The following GPC5 variants were observed in gnomAD, a reference collection of about 807,000 sequenced individuals.
The protein encoded by GPC5 is glypican-5.
GPC5 carries 47 observed loss-of-function variants against 53.9 expected under a neutral mutation model. The ratio of observed to expected loss-of-function variants is 0.87; its 90% confidence interval spans 0.69 to 1.11. GPC5 has a LOEUF of 1.11. Among genes scored for constraint, GPC5 ranks in the 50% most tolerant of loss-of-function variants. The pLI, the probability that GPC5 is intolerant of heterozygous loss-of-function variation, is 0.00. For synonymous variants in GPC5, 286 were observed against 263.3 expected, an observed-to-expected ratio of 1.09 and a Z score of -0.84; for missense variants, 748 against 713.1, an observed-to-expected ratio of 1.05 and a Z score of -0.56.
At chr13:91,607,629 G>A (rs947043590) in intron 2 of GPC5, among the ~76,000 whole-genome samples, 14 of 152,178 alleles carry the variant, frequency 9.2e-5, no homozygotes, top group Non-Finnish European at 1.5e-4. Flanking sequence ...GTAGAAAGCA[G>A]CATAATTACA....
intron 2 of GPC5, among the ~76,000 whole-genome samples, chr13:91,624,599 AT>A (rs891834056): frequency 6.6e-6 from 1 of 152,094 alleles, no homozygotes; most frequent in African/African-American, 2.4e-5. Context: ...CATATTTTAT[AT>A]ATCTATAAAA....
intron 7 of GPC5, among the ~76,000 whole-genome samples, chr13:92,616,142 T>TA (rs770665548): frequency 1.3e-5 from 2 of 152,180 alleles, no homozygotes; most frequent in Non-Finnish European, 2.9e-5. Flanking sequence ...AAAAGGCTGA[T>TA]AAAAATAAGG....
chr13:91,686,523 A>AT, intron 2 of GPC5, among the ~76,000 whole-genome samples: 1 of 152,164 alleles, frequency 6.6e-6, no homozygotes, highest in Non-Finnish European at 1.5e-5. Context: ...ATGCAAATAC[A>AT]AGGGAAAATT....
At chr13:92,790,009 G>A (rs989068370) in intron 7 of GPC5, among the ~76,000 whole-genome samples, 8 of 152,058 alleles carry the variant, frequency 5.3e-5, no homozygotes, top group Admixed American at 3.9e-4. Context: ...TCTGATGTTC[G>A]AGGGCAGAAA....
At chr13:91,838,332 A>G (rs1384443457) in intron 5 of GPC5, among the ~76,000 whole-genome samples, 4 of 152,084 alleles carry the variant, frequency 2.6e-5, no homozygotes, top group Non-Finnish European at 5.9e-5. Context: ...TAGGTGCTTC[A>G]GGCCCTTACT....
intron 7 of GPC5, among the ~76,000 whole-genome samples, chr13:92,401,408 A>G (rs1005581465): frequency 1.3e-5 from 2 of 152,064 alleles, no homozygotes; most frequent in Non-Finnish European, 1.5e-5. Flanking sequence ...TCGCTAATGT[A>G]TTTACTTCAA....
chr13:91,957,065 A>G (rs568095087), intron 6 of GPC5, among the ~76,000 whole-genome samples: 1 of 152,158 alleles, frequency 6.6e-6, no homozygotes, highest in African/African-American at 2.4e-5. Flanking sequence ...AGAGAAAGAC[A>G]TTACAAAGAA....
chr13:92,125,934 T>G (rs1342645936), intron 6 of GPC5, among the ~76,000 whole-genome samples: 9 of 6,512 alleles, frequency 1.4e-3, no homozygotes, highest in African/African-American at 2.6e-3. Flanking sequence ...GTTTTTTTTT[T>G]TTTTTTTTTT....
chr13:92,052,026 G>A (rs2041033915), intron 6 of GPC5, among the ~76,000 whole-genome samples: 1 of 152,194 alleles, frequency 6.6e-6, no homozygotes. Context: ...GAGAGACACA[G>A]AGGGCTTGTG....
intron 7 of GPC5, among the ~76,000 whole-genome samples, chr13:92,167,383 AT>A (rs1275207031): frequency 1.3e-5 from 2 of 152,342 alleles, no homozygotes; most frequent in South Asian, 2.1e-4. Flanking sequence ...CAGTTTGCAA[AT>A]GATATAAAAC....
chr13:91,994,101 T>C (rs979678240), intron 6 of GPC5, among the ~76,000 whole-genome samples: 3 of 152,222 alleles, frequency 2.0e-5, no homozygotes, highest in Non-Finnish European at 4.4e-5. Context: ...TTTGGCTCTA[T>C]TACCAAAATG....
At chr13:92,574,021 G>A (rs1316152482) in intron 7 of GPC5, among the ~76,000 whole-genome samples, 1 of 152,104 alleles carries the variant, frequency 6.6e-6, no homozygotes, top group Non-Finnish European at 1.5e-5. Flanking sequence ...CCCTGGGGAG[G>A]TATTCTTCCA....
chr13:91,480,297 T>G (rs970539100), intron 2 of GPC5, among the ~76,000 whole-genome samples: 39 of 152,314 alleles, frequency 2.6e-4, no homozygotes, highest in African/African-American at 8.7e-4. Flanking sequence ...GATGATTACT[T>G]TTGCAGTATG....
chr13:92,189,037 AT>A (rs1443680632), intron 7 of GPC5, among the ~76,000 whole-genome samples: 3 of 152,276 alleles, frequency 2.0e-5, no homozygotes, highest in Non-Finnish European at 4.4e-5. Flanking sequence ...AACCTGATGG[AT>A]AATTGATGCA....
intron 7 of GPC5, among the ~76,000 whole-genome samples, chr13:92,478,022 G>T (rs997437228): frequency 3.3e-5 from 5 of 152,086 alleles, no homozygotes; most frequent in African/African-American, 1.2e-4. Context: ...GAACTTTGTT[G>T]TTCATACAGA....
intron 5 of GPC5, among the ~76,000 whole-genome samples, chr13:91,839,950 A>T (rs2038765868): frequency 6.6e-6 from 1 of 152,064 alleles, no homozygotes; most frequent in Non-Finnish European, 1.5e-5. Context: ...TTTTATAATT[A>T]CTCTTCTAGA....
intron 6 of GPC5, among the ~76,000 whole-genome samples, chr13:91,947,788 A>G (rs1410583757): frequency 6.6e-6 from 1 of 152,156 alleles, no homozygotes; most frequent in Non-Finnish European, 1.5e-5. Context: ...GACGGGAAGG[A>G]GCAGAGTTTC....
chr13:91,560,821 C>T (rs1289580172), intron 2 of GPC5, among the ~76,000 whole-genome samples: 2 of 152,040 alleles, frequency 1.3e-5, no homozygotes, highest in African/African-American at 4.8e-5. Flanking sequence ...TAGCCAAAAG[C>T]AGCTTGAGTC....
rs1224104549 is a variant in GPC5 at position 92,268,187 on chromosome 13, C to T, written c.1561+123198C>T. 2.4e-4 allele frequency among the ~76,000 whole-genome samples: 36 copies of T among 151,782 alleles called. 1 individual carries two copies. Among genetic ancestry groups the T allele is most frequent in the Admixed American group, 2.4e-3 (36 of 15,228 alleles). ...TAAACTGTTCTAATATTGTATATAGCTCACTGTATTTTAATTACTCGATTT... is the reference window on the plus strand; with the variant it reads ...TAAACTGTTCTAATATTGTATATAGTTCACTGTATTTTAATTACTCGATTT... On this transcript the variant is annotated intron_variant, in intron 7 of 7. Transcript: ENST00000377067.
Sources: gnomAD v4.1 joint callset for allele counts (sites outside exome capture counted in the v4.1 genomes callset) on GRCh38, gnomAD v4.1.1 for gene constraint, MANE v1.5 for transcripts, NCBI Gene and HGNC (gene_info 2026-07-23, HGNC 2026-07-21) for gene names.